MFN1: variants seen among roughly 807,000 people sequenced by gnomAD.
The protein encoded by MFN1 is mitofusin 1.
Under a neutral mutation model 92.4 loss-of-function variants are expected in MFN1, and 65 were observed. That is an observed-to-expected ratio of 0.70 (90% CI 0.58 to 0.86). The LOEUF is 0.86. MFN1 is among the 40% of genes least tolerant of loss of function. The pLI is 0.00. For missense variants in MFN1, 781 were observed against 868.0 expected, an observed-to-expected ratio of 0.90 and a Z score of 1.26; for synonymous variants, 297 against 300.9, an observed-to-expected ratio of 0.99 and a Z score of 0.13.
rs1245080183 is a variant in MFN1, at chr3:179,364,281, A to G, written c.537-16A>G. ...TTTTAAGAAATATAATACAATTTTT[A>G]TTTCACTCTCATTAGTCCAGGCACA... On this transcript the variant is annotated splice_polypyrimidine_tract_variant and intron_variant, in intron 5 of 17. Transcript: ENST00000471841. 6.5e-7 allele frequency: 1 copy of G among 1,545,196 alleles called. No individual in the cohort carries two copies. Among genetic ancestry groups the G allele is most frequent in the Admixed American group, 2.0e-5 (1 of 49,178 alleles).
chr3:179,351,185 A>T (rs1712133562), intron 2 of MFN1, among the ~76,000 whole-genome samples: 1 of 152,238 alleles, frequency 6.6e-6, no homozygotes, highest in Non-Finnish European at 1.5e-5. Context: ...GTTATAAAAA[A>T]AACTGAAAGA....
Position 179,375,360 on chromosome 3 carries a change from G to A in MFN1, c.1097+19G>A, listed in dbSNP as rs1256065062. The A allele has an allele frequency of 2.5e-6, 4 of 1,608,120 alleles. No individual in the cohort carries two copies. The East Asian group carries it at 8.9e-5, about 36-fold the overall frequency. On this transcript the variant is annotated intron_variant, in intron 10 of 17. Coordinates refer to ENST00000471841, the MANE Select transcript of MFN1 (RefSeq NM_033540.3). ...ATAAAAGGTATGAGTTCATTTTGTT[G>A]CAACATAAAAATGTTAGTTTTTTTG...
At position 179,394,294 on chromosome 3, in the gene MFN1, C is replaced by G. The variant is rs577656536; in HGVS notation, c.*2235C>G. The G allele has an allele frequency of 2.6e-4, 40 of 151,672 alleles. No individual in the cohort carries two copies. The highest frequency in any genetic ancestry group is 8.7e-4 in the African/African-American group (36 of 41,248). 9.4% of individuals were successfully genotyped at this position (151,672 alleles called of 1,614,324 possible). On this transcript the variant is annotated 3_prime_UTR_variant, in exon 18 of 18. Coordinates refer to ENST00000471841, the MANE Select transcript of MFN1 (RefSeq NM_033540.3). ...GATGCACAGTGAAATTGGGGTACCA[C>G]TGGTATTAGGTTTGGTATGGCAACT...
chr3:179,349,825 A>G (rs952974037), intron 2 of MFN1, among the ~76,000 whole-genome samples: 2 of 150,832 alleles, frequency 1.3e-5, no homozygotes, highest in Non-Finnish European at 3.0e-5. Flanking sequence ...TTCTTTGGAG[A>G]TAACTGTTGA....
chr3:179,373,236 A>G (rs1401321256), intron 9 of MFN1, among the ~76,000 whole-genome samples: 1 of 149,914 alleles, frequency 6.7e-6, no homozygotes, highest in Non-Finnish European at 1.5e-5. Flanking sequence ...GGGAGCTAAA[A>G]TGGCAGTAGA....
At chr3:179,349,675 A>G (rs574986607) in intron 2 of MFN1, among the ~76,000 whole-genome samples, 1 of 151,810 alleles carries the variant, frequency 6.6e-6, no homozygotes, top group African/African-American at 2.4e-5. Flanking sequence ...ATGCCTGACT[A>G]ATTTTTGTGT....
intron 5 of MFN1, among the ~76,000 whole-genome samples, chr3:179,363,186 C>T (rs913022579): frequency 1.3e-5 from 2 of 152,166 alleles, no homozygotes; most frequent in African/African-American, 2.4e-5. Flanking sequence ...TTGCTGCAAC[C>T]TCCCCCTCCG....
Position 179,386,597 on chromosome 3 carries a change from C to T in MFN1, c.1980C>T (p.Ser660=). 2 of 1,613,258 alleles carry T rather than the reference C, an allele frequency of 1.2e-6. No homozygotes were observed. The highest frequency in any genetic ancestry group is 8.5e-7 in the Non-Finnish European group (1 of 1,179,772). Reference sequence around the variant, plus strand: ...AAAAACTGAGGATGATTGTTAGCTCCACGAGTGCAAACTGCAGTCACCAAG... The same window carrying T: ...AAAAACTGAGGATGATTGTTAGCTCTACGAGTGCAAACTGCAGTCACCAAG... ...ATEKLRMIVS[S]TSANCSHQVK... is the part of the protein sequence containing the mutation. The change falls in exon 16 of 18, where the codon TCC becomes TCT. Residue 660 remains serine, a synonymous_variant. Transcript: ENST00000471841.
intron 14 of MFN1, among the ~76,000 whole-genome samples, chr3:179,382,340 C>A (rs545254549): frequency 6.6e-6 from 1 of 152,080 alleles, no homozygotes; most frequent in South Asian, 2.1e-4. Flanking sequence ...TTTGTCCTTG[C>A]AATAGTTTGC....
intron 16 of MFN1, 143 bp from the exon 17 acceptor site, chr3:179,389,861 T>A: frequency 2.9e-6 from 2 of 691,890 alleles, no homozygotes; most frequent in Non-Finnish European, 2.4e-6. Context: ...TGCCATATCT[T>A]CCCTCTTATC....
At chr3:179,348,427 TATTTCCTCACTCTGC>T (rs569438173) in intron 1 of MFN1, among the ~76,000 whole-genome samples, 10 of 152,360 alleles carry the variant, frequency 6.6e-5, no homozygotes, top group African/African-American at 2.4e-4. Context: ...CTTAGAATTT[TATTTCCTCACTCTGC>T]ATATCCACTC....
chr3:179,393,781 A>T lies in MFN1; in HGVS notation c.*1722A>T, dbSNP rs1041940379. ...CTTTATATGAAAGTACTTAAGCTTGAAAGTTCATAATAGTTTGGTATCACC... is the reference window on the plus strand; with the variant it reads ...CTTTATATGAAAGTACTTAAGCTTGTAAGTTCATAATAGTTTGGTATCACC... On this transcript the variant is annotated 3_prime_UTR_variant, in exon 18 of 18. Coordinates refer to ENST00000471841, the MANE Select transcript of MFN1 (RefSeq NM_033540.3). The T allele has an allele frequency of 2.0e-5, 3 of 152,230 alleles. No homozygotes were observed. Among genetic ancestry groups the T allele is most frequent in the African/African-American group, 7.2e-5 (3 of 41,466 alleles). 9.4% of individuals were successfully genotyped at this position (152,230 alleles called of 1,614,324 possible).
At chr3:179,373,477 A>G (rs924153556) in intron 9 of MFN1, among the ~76,000 whole-genome samples, 7 of 152,128 alleles carry the variant, frequency 4.6e-5, no homozygotes, top group Non-Finnish European at 7.4e-5. Flanking sequence ...AAATATATAG[A>G]GGTTCGAGAA....
intron 14 of MFN1, among the ~76,000 whole-genome samples, chr3:179,379,662 A>G (rs1056512169): frequency 6.6e-6 from 1 of 152,186 alleles, no homozygotes; most frequent in African/African-American, 2.4e-5. Context: ...GCTGTTTAAA[A>G]TGTTTAAAAG....
intron 16 of MFN1, among the ~76,000 whole-genome samples, chr3:179,388,760 G>A (rs981746073): frequency 6.6e-5 from 10 of 152,248 alleles, no homozygotes; most frequent in Middle Eastern, 3.4e-3. Flanking sequence ...ATGCTGTATC[G>A]GAAGATCAGA....
rs1237826342 is a variant in MFN1, at chr3:179,378,333, G to A, written c.1330-8G>A. The A allele has an allele frequency of 6.4e-7, 1 of 1,566,190 alleles. No individual in the cohort carries two copies. The highest frequency in any genetic ancestry group is 8.7e-7 in the Non-Finnish European group (1 of 1,155,346). On this transcript the variant is annotated splice_polypyrimidine_tract_variant and splice_region_variant and intron_variant, in intron 12 of 17. Transcript: ENST00000471841. ...AAAAATAATATGGATATTTACCATTGTTAACAGGAATTAAATAAGCACATA... is the reference window on the plus strand; with the variant it reads ...AAAAATAATATGGATATTTACCATTATTAACAGGAATTAAATAAGCACATA...
At chr3:179,367,838 G>A (rs966150489) in intron 8 of MFN1, among the ~76,000 whole-genome samples, 198 bp from the exon 9 acceptor site, 6 of 151,600 alleles carry the variant, frequency 4.0e-5, no homozygotes, top group Admixed American at 2.0e-4. Flanking sequence ...CCAGAAAATT[G>A]CTTGAACCCA....
chr3:179,387,584 CTTTTTTTTTTTTTTT>C lies in MFN1; in HGVS notation c.2012+970_2012+984del, dbSNP rs769878779. Among the ~76,000 whole-genome samples the C allele has an allele frequency of 8.0e-4, 66 of 82,260 alleles. 1 individual carries two copies. Among genetic ancestry groups the C allele is most frequent in the East Asian group, 1.6e-3 (3 of 1,930 alleles). The allele number at this position is 82,260 out of a possible 152,430, so 54.0% of individuals were successfully genotyped here. A position where few individuals can be genotyped will look rare whatever the true frequency, so the allele number is the denominator to read the frequency against. On this transcript the variant is annotated intron_variant, in intron 16 of 17. Transcript: ENST00000471841. ...ATTGCCCTTAAGATATTTGTGGTTT[CTTTTTTTTTTTTTTT>C]TTTTTTTTTTTTTTCTGAGATGGAG... is the stretch of plus-strand genomic sequence containing the variant.
rs539888536 is a variant in MFN1 at position 179,364,851 on chromosome 3, AT to A, written c.646-265del. Among the ~76,000 whole-genome samples the A allele has an allele frequency of 7.3e-3, 1,117 of 152,328 alleles. 6 individuals are homozygous for A. The highest frequency in any genetic ancestry group is 0.012 in the Non-Finnish European group (812 of 68,032). Reference sequence around the variant, plus strand: ...TTTAAGCTGCTGTCAGACTTAGAAGATTATTTAGCCAGATGTCTGGAGCCAG... The same window carrying A: ...TTTAAGCTGCTGTCAGACTTAGAAGATATTTAGCCAGATGTCTGGAGCCAG... On this transcript the variant is annotated intron_variant, in intron 6 of 17. Coordinates refer to ENST00000471841, the MANE Select transcript of MFN1 (RefSeq NM_033540.3).
Sources: gnomAD v4.1 joint callset for allele counts (sites outside exome capture counted in the v4.1 genomes callset) on GRCh38, gnomAD v4.1.1 for gene constraint, MANE v1.5 for transcripts, NCBI Gene and HGNC (gene_info 2026-07-23, HGNC 2026-07-21) for gene names.